GPC4: variants seen among roughly 807,000 people sequenced by gnomAD.
GPC4 encodes the protein glypican 4.
A neutral mutation model predicts 35.0 loss-of-function variants in GPC4; 10 were observed. That is an observed-to-expected ratio of 0.29 (90% CI 0.18 to 0.48). The LOEUF is 0.48. GPC4 is among the 20% of genes least tolerant of loss of function. GPC4 has a pLI of 0.99. For missense variants in GPC4, 322 were observed against 451.3 expected (o/e 0.71, Z 2.60); for synonymous variants, 167 against 170.2 (o/e 0.98, Z 0.15).
At chrX:133,377,281 T>C (rs769112080) in intron 1 of GPC4, among the ~76,000 whole-genome samples, 28 of 111,632 alleles carry the variant, frequency 2.5e-4, no homozygotes, top group Admixed American at 1.0e-3. Flanking sequence ...CCAACATCTG[T>C]TGTCAGTGAG....
intron 1 of GPC4, among the ~76,000 whole-genome samples, chrX:133,394,718 T>C (rs894513701): frequency 9.0e-6 from 1 of 111,364 alleles, no homozygotes; most frequent in Non-Finnish European, 1.9e-5. Flanking sequence ...TATGAACTCA[T>C]ACACAAGAAA....
At chrX:133,413,944 A>C (rs1247728931) in intron 1 of GPC4, among the ~76,000 whole-genome samples, 1 of 110,851 alleles carries the variant, frequency 9.0e-6, no homozygotes, top group East Asian at 2.9e-4. Flanking sequence ...AATCCGGTGA[A>C]CTTTCTCACA....
chrX:133,354,820 A>G (rs6638081), intron 1 of GPC4, among the ~76,000 whole-genome samples: 2,034 of 107,352 alleles, frequency 0.019, 53 homozygotes, highest in African/African-American at 0.065. Flanking sequence ...CACCCGCCTC[A>G]GCCTCCCAAA....
At chrX:133,411,734 G>A (rs753032087) in intron 1 of GPC4, among the ~76,000 whole-genome samples, 3 of 111,548 alleles carry the variant, frequency 2.7e-5, no homozygotes, top group African/African-American at 6.5e-5. Context: ...CGCTCCAAAA[G>A]TACATGGCCA....
chrX:133,350,933 T>C (rs931126359), intron 1 of GPC4, among the ~76,000 whole-genome samples: 1 of 112,189 alleles, frequency 8.9e-6, no homozygotes, highest in Admixed American at 9.4e-5. Context: ...TCCCCAACCC[T>C]GGCAACTGGC....
intron 1 of GPC4, among the ~76,000 whole-genome samples, chrX:133,408,836 T>C (rs1180528000): frequency 2.7e-5 from 3 of 111,766 alleles, no homozygotes; most frequent in South Asian, 3.7e-4. Context: ...TACCAACATA[T>C]GCATATTTAC....
chrX:133,375,901 C>T (rs902143648), intron 1 of GPC4, among the ~76,000 whole-genome samples: 1 of 111,619 alleles, frequency 9.0e-6, no homozygotes, highest in African/African-American at 3.3e-5. Context: ...CACAAAAGTA[C>T]ACTAGGGGAT....
chrX:133,396,116 A>G (rs2068741637), intron 1 of GPC4, among the ~76,000 whole-genome samples: 2 of 111,911 alleles, frequency 1.8e-5, no homozygotes, highest in African/African-American at 6.5e-5. Context: ...CCTTCATTTC[A>G]AAAGAAAATG....
intron 6 of GPC4, among the ~76,000 whole-genome samples, chrX:133,305,570 T>A (rs1017225711): frequency 1.8e-5 from 2 of 112,019 alleles, no homozygotes; most frequent in Admixed American, 9.5e-5. Context: ...CAAGACTTAT[T>A]GCATCATAAC....
intron 1 of GPC4, among the ~76,000 whole-genome samples, chrX:133,403,387 C>A (rs898527268): frequency 1.8e-5 from 2 of 110,886 alleles, no homozygotes; most frequent in African/African-American, 6.6e-5. Context: ...ACCGTAATTT[C>A]ATGTGGCGCA....
intron 1 of GPC4, among the ~76,000 whole-genome samples, chrX:133,376,098 C>CT (rs201083060): frequency 8.9e-6 from 1 of 112,255 alleles, no homozygotes; most frequent in Non-Finnish European, 1.9e-5. Context: ...CAGGATGAAA[C>CT]TTTTTTCTGA....
At chrX:133,324,726 C>T (rs1200584819) in intron 2 of GPC4, among the ~76,000 whole-genome samples, 190 bp from the exon 3 acceptor site, 1 of 111,384 alleles carries the variant, frequency 9.0e-6, no homozygotes, top group Non-Finnish European at 1.9e-5. Context: ...GAAAGGAAAG[C>T]TGTGTCACAA....
At chrX:133,364,059 C>A (rs113840574) in intron 1 of GPC4, among the ~76,000 whole-genome samples, 2,197 of 111,901 alleles carry the variant, frequency 0.02, 54 homozygotes, top group African/African-American at 0.068. Context: ...CATGGGTATG[C>A]CACATTTTGT....
intron 3 of GPC4, among the ~76,000 whole-genome samples, chrX:133,317,690 G>A (rs1484832833): frequency 2.7e-5 from 3 of 111,402 alleles, no homozygotes; most frequent in African/African-American, 6.5e-5. Flanking sequence ...GCCAATAGTA[G>A]CAAGCAAGCA....
intron 1 of GPC4, among the ~76,000 whole-genome samples, chrX:133,366,242 T>A (rs943373996): frequency 8.0e-5 from 9 of 112,300 alleles, no homozygotes; most frequent in Non-Finnish European, 1.7e-4. Flanking sequence ...GGCACACACA[T>A]GTTTTCAATG....
At chrX:133,414,149 GA>G (rs1379179886) in intron 1 of GPC4, among the ~76,000 whole-genome samples, 2 of 111,190 alleles carry the variant, frequency 1.8e-5, no homozygotes, top group Non-Finnish European at 3.8e-5. Flanking sequence ...TCAGGGTTTG[GA>G]GGGGTGGAGA....
intron 3 of GPC4, among the ~76,000 whole-genome samples, chrX:133,313,316 C>T (rs757021234): frequency 5.3e-5 from 6 of 112,853 alleles, no homozygotes; most frequent in Non-Finnish European, 5.6e-5. Flanking sequence ...GGGGGGAATA[C>T]GTGTAACAAT....
chrX:133,323,101 C>G (rs779349093), intron 3 of GPC4, among the ~76,000 whole-genome samples: 13 of 111,427 alleles, frequency 1.2e-4, no homozygotes, highest in African/African-American at 3.9e-4. Flanking sequence ...GATAAAGGCA[C>G]AGTTGCACGG....
At chrX:133,376,400 G>A (rs140222243) in intron 1 of GPC4, among the ~76,000 whole-genome samples, 8 of 112,413 alleles carry the variant, frequency 7.1e-5, no homozygotes, top group African/African-American at 2.3e-4. Context: ...ATTATCCCCT[G>A]GCATGTGTGC....
Sources: allele counts gnomAD v4.1 joint callset (sites outside exome capture counted in the v4.1 genomes callset), GRCh38; gene constraint gnomAD v4.1.1; transcripts MANE v1.5; gene names NCBI Gene and HGNC (gene_info 2026-07-23, HGNC 2026-07-21).